GRM1: variants seen among roughly 807,000 people sequenced by gnomAD.
GRM1 encodes the protein glutamate metabotropic receptor 1.
GRM1 carries 33 observed loss-of-function variants against 90.9 expected under a neutral mutation model. That is an observed-to-expected ratio of 0.36 (90% CI 0.28 to 0.49). The LOEUF is 0.49. GRM1 is among the 20% of genes least tolerant of loss of function. The pLI, the probability that GRM1 is intolerant of heterozygous loss-of-function variation, is 0.99. For missense variants in GRM1, 1,190 were observed against 1,534.3 expected, an observed-to-expected ratio of 0.78 and a Z score of 3.75; for synonymous variants, 700 against 613.2, an observed-to-expected ratio of 1.14 and a Z score of -2.09.
intron 1 of GRM1, among the ~76,000 whole-genome samples, chr6:146,135,067 G>A (rs1701397476): frequency 6.6e-6 from 1 of 152,186 alleles, no homozygotes; most frequent in African/African-American, 2.4e-5. Context: ...TTTGGGTGGG[G>A]ACACAGAGCC....
chr6:146,159,364 C>T lies in GRM1; in HGVS notation c.717C>T (p.Ser239=), dbSNP rs956460815. 13 of 1,613,828 alleles carry T rather than the reference C, an allele frequency of 8.1e-6. No homozygotes were observed. Among genetic ancestry groups the T allele is most frequent in the South Asian group, 3.3e-5 (3 of 91,066 alleles). ...AVHTEGNYGE[S]GMDAFKELAA... The stretch of plus-strand genomic sequence containing the variant: ...TCTGGACAGGGAATTATGGGGAGAG[C>T]GGAATGGACGCTTTCAAAGAGCTGG... The change falls in exon 2 of 8, where the codon AGC becomes AGT. Residue 239 remains serine (S), a synonymous_variant. Transcript: ENST00000282753.
chr6:146,151,528 T>A (rs1166793554), intron 1 of GRM1, among the ~76,000 whole-genome samples: 1 of 152,222 alleles, frequency 6.6e-6, no homozygotes, highest in African/African-American at 2.4e-5. Context: ...TTTCAGTGCC[T>A]ACTTTTTTGC....
At chr6:146,148,128 C>T (rs900145465) in intron 1 of GRM1, among the ~76,000 whole-genome samples, 3 of 152,124 alleles carry the variant, frequency 2.0e-5, no homozygotes, top group African/African-American at 2.4e-5. Context: ...GCATTATGAG[C>T]GGTTCAATTC....
At chr6:146,157,752 G>T (rs557354810) in intron 1 of GRM1, among the ~76,000 whole-genome samples, 10 of 152,000 alleles carry the variant, frequency 6.6e-5, no homozygotes, top group African/African-American at 2.4e-4. Flanking sequence ...ACCTAAAGTA[G>T]ACACACTTCA....
intron 2 of GRM1, among the ~76,000 whole-genome samples, chr6:146,197,125 A>C (rs1308520582): frequency 6.6e-6 from 1 of 152,200 alleles, no homozygotes; most frequent in Non-Finnish European, 1.5e-5. Flanking sequence ...GAGGACATAG[A>C]ACTCAGAAAC....
Position 146,029,430 on chromosome 6 carries a change from T to C in GRM1, c.-88T>C. On this transcript the variant is annotated 5_prime_UTR_variant, in exon 1 of 8. Coordinates refer to ENST00000282753, the MANE Select transcript of GRM1 (RefSeq NM_001278064.2). ...GGCACCACTCCGGGAGAGGCGGCGC[T>C]GGGCGTCTTGGGGGTGCGCGCCGGG... The C allele has an allele frequency of 4.8e-6, 5 of 1,032,994 alleles. No homozygotes were observed. Among genetic ancestry groups the C allele is most frequent in the Non-Finnish European group, 7.7e-6 (5 of 652,736 alleles). 64.0% of individuals were successfully genotyped at this position (1,032,994 alleles called of 1,614,324 possible).
At chr6:146,291,211 A>G (rs763025722) in intron 2 of GRM1, among the ~76,000 whole-genome samples, 1 of 151,866 alleles carries the variant, frequency 6.6e-6, no homozygotes, top group Non-Finnish European at 1.5e-5. Context: ...CAGCTTTTCA[A>G]TCTGATAAGT....
At chr6:146,302,026 T>C (rs1018149165) in intron 2 of GRM1, among the ~76,000 whole-genome samples, 1 of 152,036 alleles carries the variant, frequency 6.6e-6, no homozygotes, top group Non-Finnish European at 1.5e-5. Context: ...TAACAGTGTC[T>C]AGGCTGGGAT....
rs56956724 is a variant in GRM1 at position 146,260,804 on chromosome 6, G to GTTTTTTTTTTTTT, written c.951-43786_951-43774dup. Among the ~76,000 whole-genome samples, 27 of 22,738 alleles carry GTTTTTTTTTTTTT rather than the reference G, an allele frequency of 1.2e-3. 4 individuals are homozygous for GTTTTTTTTTTTTT. Among genetic ancestry groups the GTTTTTTTTTTTTT allele is most frequent in the African/African-American group, 3.7e-3 (22 of 5,914 alleles). The allele number at this position is 22,738 out of a possible 152,430, so 14.9% of individuals were successfully genotyped here. A position where few individuals can be genotyped will look rare whatever the true frequency, so the allele number is the denominator to read the frequency against. ...CCCATTTTTTAATTAGGTTATTTGG[G>GTTTTTTTTTTTTT]TTTTTTTTTTTTTTTTTTTTTTTTT... is the stretch of plus-strand genomic sequence containing the variant. On this transcript the variant is annotated intron_variant, in intron 2 of 7. Transcript: ENST00000282753.
rs746300175 is a variant in GRM1 at position 146,029,966 on chromosome 6, G to C, written c.449G>C (p.Gly150Ala). The C allele has an allele frequency of 6.2e-7, 1 of 1,614,156 alleles. No homozygotes were observed. The highest frequency in any genetic ancestry group is 8.5e-7 in the Non-Finnish European group (1 of 1,180,024). ...CCTGACGGCCAGTCCCTCCCCCCAG[G>C]CAGGACTAAGAAGCCCATTGCGGGA... is the stretch of plus-strand genomic sequence containing the variant. ...CLPDGQSLPP[G>A]RTKKPIAGVI... Residue 150 changes from glycine (G) to alanine (A), a missense_variant, in exon 1 of 8, where the codon GGC becomes GCC. Physicochemically the swap from Gly to Ala is moderately conservative, Grantham distance 60. Transcript: ENST00000282753.
At chr6:146,074,464 G>A (rs1440625804) in intron 1 of GRM1, among the ~76,000 whole-genome samples, 2 of 152,044 alleles carry the variant, frequency 1.3e-5, no homozygotes, top group South Asian at 2.1e-4. Context: ...TCAGAGTCAC[G>A]AATCTGTGCC....
At chr6:146,070,767 C>G (rs1019458368) in intron 1 of GRM1, among the ~76,000 whole-genome samples, 2 of 152,138 alleles carry the variant, frequency 1.3e-5, no homozygotes, top group African/African-American at 2.4e-5. Flanking sequence ...GCAGCAGAAT[C>G]ATGACCTTAC....
At chr6:146,371,062 T>G (rs909083444) in intron 5 of GRM1, among the ~76,000 whole-genome samples, 53 of 152,242 alleles carry the variant, frequency 3.5e-4, no homozygotes, top group African/African-American at 1.3e-3. Flanking sequence ...TCTATATTAT[T>G]GCCTTCCATT....
At chr6:146,404,571 T>C (rs1008488780) in intron 7 of GRM1, among the ~76,000 whole-genome samples, 1 of 152,144 alleles carries the variant, frequency 6.6e-6, no homozygotes, top group African/African-American at 2.4e-5. Context: ...GTTTTTCAAC[T>C]GGAGAAATTG....
intron 2 of GRM1, among the ~76,000 whole-genome samples, chr6:146,185,053 C>T (rs1044536613): frequency 6.6e-6 from 1 of 152,136 alleles, no homozygotes; most frequent in African/African-American, 2.4e-5. Context: ...ATTTTTATTT[C>T]CATGCGCACA....
At chr6:146,260,634 T>A (rs568724624) in intron 2 of GRM1, among the ~76,000 whole-genome samples, 29 of 151,948 alleles carry the variant, frequency 1.9e-4, no homozygotes, top group Non-Finnish European at 3.5e-4. Context: ...AAAAGAGATA[T>A]TTTTAATAGT....
chr6:146,374,751 C>A (rs948390474), intron 5 of GRM1, among the ~76,000 whole-genome samples: 1 of 151,778 alleles, frequency 6.6e-6, no homozygotes, highest in African/African-American at 2.4e-5. Context: ...TTATTTGGAT[C>A]TTCTCTCTTT....
intron 1 of GRM1, among the ~76,000 whole-genome samples, chr6:146,045,945 C>T (rs1245256974): frequency 2.0e-5 from 3 of 151,842 alleles, no homozygotes; most frequent in Non-Finnish European, 4.4e-5. Flanking sequence ...ATCTAGTACC[C>T]TCTCTTCCTT....
At chr6:146,422,508 G>A (rs865904474) in intron 7 of GRM1, among the ~76,000 whole-genome samples, 1 of 152,124 alleles carries the variant, frequency 6.6e-6, no homozygotes, top group East Asian at 1.9e-4. Context: ...GGCTGGAATA[G>A]CATTTTGCTA....
Sources: allele counts gnomAD v4.1 joint callset (sites outside exome capture counted in the v4.1 genomes callset), GRCh38; gene constraint gnomAD v4.1.1; transcripts MANE v1.5; gene names NCBI Gene and HGNC (gene_info 2026-07-23, HGNC 2026-07-21).